Variants in SYN3 observed in about 807,000 individuals in gnomAD.
SYN3 encodes the protein synapsin III.
A neutral mutation model predicts 65.8 loss-of-function variants in SYN3; 35 were observed. The ratio of observed to expected loss-of-function variants is 0.53; its 90% CI spans 0.41 to 0.70. SYN3 has a LOEUF of 0.70. Among genes scored for constraint, SYN3 ranks in the 30% least tolerant of loss-of-function variants. The pLI is 0.00. For missense variants in SYN3, 680 were observed against 749.0 expected, an observed-to-expected ratio of 0.91 and a Z score of 1.08; for synonymous variants, 270 against 292.9, an observed-to-expected ratio of 0.92 and a Z score of 0.80.
intron 7 of SYN3, among the ~76,000 whole-genome samples, chr22:32,542,209 C>T (rs751906796): frequency 6.6e-6 from 1 of 152,052 alleles, no homozygotes; most frequent in Non-Finnish European, 1.5e-5. Context: ...GTGTAGTTTG[C>T]GTTTTAGCAA....
intron 6 of SYN3, among the ~76,000 whole-genome samples, chr22:32,771,462 T>A (rs1358990567): frequency 1.3e-5 from 2 of 152,130 alleles, no homozygotes; most frequent in Non-Finnish European, 2.9e-5. Context: ...CCCAGGCTGG[T>A]GGAAACAACA....
intron 1 of SYN3, among the ~76,000 whole-genome samples, chr22:33,011,648 G>A (rs961402238): frequency 6.6e-6 from 1 of 152,062 alleles, no homozygotes; most frequent in African/African-American, 2.4e-5. Context: ...GTGTAATATT[G>A]TGTTTTTTTT....
At chr22:32,726,151 A>T (rs916101445) in intron 6 of SYN3, among the ~76,000 whole-genome samples, 5 of 150,170 alleles carry the variant, frequency 3.3e-5, no homozygotes, top group African/African-American at 7.3e-5. Flanking sequence ...ATAGATTTTT[A>T]TTTTTTTTTT....
chr22:32,924,512 C>G (rs568790197), intron 4 of SYN3, among the ~76,000 whole-genome samples: 1 of 152,358 alleles, frequency 6.6e-6, no homozygotes, highest in Admixed American at 6.5e-5. Flanking sequence ...CATCCAGGAG[C>G]TTGTTCACAT....
intron 6 of SYN3, among the ~76,000 whole-genome samples, chr22:32,710,630 C>A (rs2060948381): frequency 1.3e-5 from 1 of 74,458 alleles, no homozygotes; most frequent in African/African-American, 1.1e-4. Context: ...GAGACTCTGT[C>A]TCAAAAAAAA....
chr22:32,699,096 C>T (rs1345428736), intron 6 of SYN3, among the ~76,000 whole-genome samples: 2 of 152,212 alleles, frequency 1.3e-5, no homozygotes, highest in East Asian at 1.9e-4. Flanking sequence ...GCCGGGCTTC[C>T]CACAGAGCTT....
rs917000719 is a variant in SYN3 at position 32,518,116 on chromosome 22, G to C, written c.1537C>G (p.Pro513Ala). The change falls in exon 13 of 14, where the codon CCT becomes GCT. Residue 513 changes from proline to alanine, a missense_variant. Physicochemically the swap from Pro to Ala is conservative, Grantham distance 27 (BLOSUM62 -1). Coordinates refer to ENST00000358763, the MANE Select transcript of SYN3 (RefSeq NM_003490.4). ...GATLASQPRP[P>A]VQGRSTSQQG... ...TGGGAGGTACTACGGCCCTGCACAG[G>C]GGGCCGGGGCTGTGAGGCGAGGGTG... The C allele has an allele frequency of 5.0e-6, 8 of 1,593,596 alleles. No homozygotes were observed. In the East Asian group the frequency reaches 1.8e-4, roughly 36 times the overall value.
At chr22:32,643,025 A>G (rs780149977) in intron 6 of SYN3, among the ~76,000 whole-genome samples, 2 of 152,172 alleles carry the variant, frequency 1.3e-5, no homozygotes, top group Non-Finnish European at 2.9e-5. Flanking sequence ...TAAAAAGATG[A>G]GCTTATAAAA....
In SYN3 at chr22:32,513,465, C is replaced by G; in HGVS notation, c.*227G>C. 2.0e-6 allele frequency: 1 copy of G among 506,966 alleles called. No homozygotes were observed. The highest frequency in any genetic ancestry group is 3.5e-5 in the South Asian group (1 of 28,558). The allele number at this position is 506,966 out of a possible 1,614,324, so 31.4% of individuals were successfully genotyped here. A position where few individuals can be genotyped will look rare whatever the true frequency, so the allele number is the denominator to read the frequency against. On this transcript the variant is annotated 3_prime_UTR_variant, in exon 14 of 14. Transcript: ENST00000358763. ...CATCGCTCAGGCCTGTTTTGAGGAA[C>G]CTGGAGGCTCTCAAAGGCCCACCTC...
chr22:32,990,152 A>G (rs1300649597), intron 2 of SYN3, among the ~76,000 whole-genome samples: 6 of 152,216 alleles, frequency 3.9e-5, no homozygotes, highest in African/African-American at 1.4e-4. Context: ...TAAGGGGATC[A>G]CGGGGATATT....
chr22:32,788,540 C>CA (rs539407036), intron 6 of SYN3, among the ~76,000 whole-genome samples: 23,829 of 142,648 alleles, frequency 0.17, 2,341 homozygotes, highest in African/African-American at 0.3. Flanking sequence ...GACTCCATCT[C>CA]AAAAAAAAAA....
rs775015493 is a variant in SYN3, at chr22:32,792,793, C to T, written c.711+72122G>A. 1.6e-4 allele frequency among the ~76,000 whole-genome samples: 25 copies of T among 152,120 alleles called. 1 individual carries two copies. The highest frequency in any genetic ancestry group is 4.1e-4 in the African/African-American group (17 of 41,428). ...TGCATCAAGAGCTCTGAGCACTCAA[C>T]GAGAACCCAAGAGACAAAGAGAAAA... On this transcript the variant is annotated intron_variant, in intron 6 of 13. Coordinates refer to ENST00000358763, the MANE Select transcript of SYN3 (RefSeq NM_003490.4).
chr22:32,792,890 T>C (rs2046353127), intron 6 of SYN3, among the ~76,000 whole-genome samples: 1 of 152,172 alleles, frequency 6.6e-6, no homozygotes, highest in Non-Finnish European at 1.5e-5. Flanking sequence ...AGAGTGCTGG[T>C]TTGGAAAGAG....
intron 6 of SYN3, among the ~76,000 whole-genome samples, chr22:32,604,997 C>G (rs569425100): frequency 1.5e-5 from 2 of 134,628 alleles, no homozygotes; most frequent in South Asian, 4.9e-4. Flanking sequence ...TAGAGCGAGA[C>G]TCCATCTCAG....
intron 6 of SYN3, among the ~76,000 whole-genome samples, chr22:32,845,560 T>G (rs771037028): frequency 1.3e-5 from 2 of 152,128 alleles, no homozygotes; most frequent in African/African-American, 2.4e-5. Context: ...AGGACTTCTA[T>G]TTCTTGTTGT....
chr22:32,669,256 T>G (rs939735623), intron 6 of SYN3, among the ~76,000 whole-genome samples: 1 of 152,152 alleles, frequency 6.6e-6, no homozygotes, highest in Non-Finnish European at 1.5e-5. Flanking sequence ...TTTTCTCTAA[T>G]AAAATAGGGA....
At chr22:33,035,402 C>T (rs184103738) in intron 1 of SYN3, among the ~76,000 whole-genome samples, 242 of 127,906 alleles carry the variant, frequency 1.9e-3, no homozygotes, top group African/African-American at 6.6e-3. Context: ...GTCATTGCAA[C>T]ACCCTCTTCC....
At chr22:32,725,788 T>C (rs2061182249) in intron 6 of SYN3, among the ~76,000 whole-genome samples, 1 of 152,242 alleles carries the variant, frequency 6.6e-6, no homozygotes, top group Non-Finnish European at 1.5e-5. Context: ...AAATTTGTGT[T>C]GTTTTAAGCC....
In SYN3 at chr22:32,971,424, G is replaced by A. The variant is rs1311171008; in HGVS notation, c.369+9221C>T. Among the ~76,000 whole-genome samples the A allele has an allele frequency of 2.0e-5, 3 of 152,190 alleles. No homozygotes were observed. In the East Asian group the frequency reaches 5.8e-4, roughly 29 times the overall value. ...AAGCCAAGCCAAACAAATAAATCTT[G>A]CAGGATTGTGTTAACAAAACAAGGC... is the stretch of plus-strand genomic sequence containing the variant. On this transcript the variant is annotated intron_variant, in intron 3 of 13. Transcript: ENST00000358763.
Sources: gnomAD v4.1 joint callset for allele counts (sites outside exome capture counted in the v4.1 genomes callset) on GRCh38, gnomAD v4.1.1 for gene constraint, MANE v1.5 for transcripts, NCBI Gene and HGNC (gene_info 2026-07-23, HGNC 2026-07-21) for gene names.